The following MAP4 variants were observed in gnomAD, a reference collection of about 807,000 sequenced individuals.
The protein encoded by MAP4 is microtubule associated protein 4.
Under a neutral mutation model 170.2 loss-of-function variants are expected in MAP4, and 76 were observed. That is an observed-to-expected ratio of 0.45 (90% CI 0.37 to 0.54). The LOEUF is 0.54. Among genes scored for constraint, MAP4 ranks in the 20% least tolerant of loss-of-function variants. The pLI, the probability that MAP4 is intolerant of heterozygous loss-of-function variation, is 0.00. For synonymous variants in MAP4, 909 were observed against 994.5 expected, an observed-to-expected ratio of 0.91 and a Z score of 1.62; for missense variants, 2,506 against 2,748.0, an observed-to-expected ratio of 0.91 and a Z score of 1.97.
intron 3 of MAP4, among the ~76,000 whole-genome samples, chr3:47,966,469 G>A (rs1453032448): frequency 1.3e-5 from 2 of 151,654 alleles, no homozygotes; most frequent in Non-Finnish European, 2.9e-5. Flanking sequence ...GGATGGTCTC[G>A]ATCTCCTGAC....
At chr3:47,878,921 G>T (rs914105270) in intron 10 of MAP4, among the ~76,000 whole-genome samples, 14 of 152,194 alleles carry the variant, frequency 9.2e-5, no homozygotes, top group South Asian at 4.1e-4. Context: ...AAATATACTT[G>T]GTAGGTATGT....
At chr3:47,988,303 G>GAATGACCC (rs781300559) in intron 2 of MAP4, among the ~76,000 whole-genome samples, 1 of 151,870 alleles carries the variant, frequency 6.6e-6, no homozygotes, top group Non-Finnish European at 1.5e-5. Flanking sequence ...TGATGCTGGT[G>GAATGACCC]AATGACCCAA....
intron 1 of MAP4, 27 bp from the exon 2 acceptor site, chr3:47,998,906 T>C (rs1400296911): frequency 3.8e-6 from 5 of 1,308,824 alleles, no homozygotes; most frequent in Admixed American, 1.7e-5. Flanking sequence ...AGATCTTTCA[T>C]GTAACGAGCA....
chr3:47,942,093 C>T (rs1416449278), intron 3 of MAP4, among the ~76,000 whole-genome samples: 2 of 152,066 alleles, frequency 1.3e-5, no homozygotes, highest in Non-Finnish European at 2.9e-5. Context: ...TCCTACAGCC[C>T]CGTTCTTCCC....
chr3:47,998,033 A>G (rs991066843), intron 2 of MAP4, among the ~76,000 whole-genome samples: 4 of 152,230 alleles, frequency 2.6e-5, no homozygotes, highest in Non-Finnish European at 5.9e-5. Flanking sequence ...AATTCTATGC[A>G]AACTATTCTA....
At position 47,974,655 on chromosome 3, in the gene MAP4, C is replaced by A. The variant is rs190068313; in HGVS notation, c.292+3210G>T. 133 of 940,132 alleles carry A rather than the reference C, an allele frequency of 1.4e-4. 2 individuals carry two copies. In the Middle Eastern group the frequency reaches 2.7e-3, roughly 19 times the overall value. 58.2% of individuals were successfully genotyped at this position (940,132 alleles called of 1,614,324 possible). A position where few individuals can be genotyped will look rare whatever the true frequency, so the allele number is the denominator to read the frequency against. On this transcript the variant is annotated intron_variant, in intron 3 of 20. Coordinates refer to ENST00000683076, the MANE Select transcript of MAP4 (RefSeq NM_001385682.1). ...AATACAATCAAAGCATACCATTGTA[C>A]AGTACTAATCTCAACTGGTTCTAGA... is the stretch of plus-strand genomic sequence containing the variant.
intron 1 of MAP4, among the ~76,000 whole-genome samples, chr3:48,028,569 T>G (rs1025400225): frequency 1.3e-5 from 2 of 151,654 alleles, no homozygotes; most frequent in African/African-American, 4.8e-5. Context: ...GGTCAGGAGT[T>G]CCAGACCAGC....
intron 1 of MAP4, among the ~76,000 whole-genome samples, chr3:48,084,418 C>T (rs2100148070): frequency 6.7e-6 from 1 of 149,906 alleles, no homozygotes; most frequent in African/African-American, 2.5e-5. Context: ...AAAAGAATCA[C>T]GAAAGTAATT....
chr3:48,055,836 G>A (rs1236200674), intron 1 of MAP4, among the ~76,000 whole-genome samples: 2 of 139,730 alleles, frequency 1.4e-5, no homozygotes, highest in African/African-American at 2.6e-5. Context: ...CTGAGACGTG[G>A]GGAGCGCCTC....
At chr3:48,006,301 A>C (rs2100102285) in intron 1 of MAP4, among the ~76,000 whole-genome samples, 1 of 152,164 alleles carries the variant, frequency 6.6e-6, no homozygotes, top group Non-Finnish European at 1.5e-5. Flanking sequence ...TTCCCCAAGG[A>C]GACCTCCATC....
chr3:47,869,095 G>A, intron 16 of MAP4, 119 bp downstream of exon 16: 4 of 768,588 alleles, frequency 5.2e-6, no homozygotes, highest in Non-Finnish European at 9.0e-6. Context: ...GAATATAGGG[G>A]AGAAGAAGTA....
At chr3:48,038,231 G>A (rs540738552) in intron 1 of MAP4, among the ~76,000 whole-genome samples, 1 of 150,686 alleles carries the variant, frequency 6.6e-6, no homozygotes, top group East Asian at 2.0e-4. Context: ...TGCTCACCCA[G>A]CACCTATCCC....
At chr3:47,883,314 C>T (rs1240899296) in intron 10 of MAP4, among the ~76,000 whole-genome samples, 1 of 152,150 alleles carries the variant, frequency 6.6e-6, no homozygotes, top group East Asian at 1.9e-4. Context: ...ACCTCCACCT[C>T]CCGAGTTCAA....
intron 10 of MAP4, among the ~76,000 whole-genome samples, chr3:47,895,247 T>C (rs1311109458): frequency 1.3e-5 from 2 of 152,244 alleles, no homozygotes; most frequent in African/African-American, 4.8e-5. Flanking sequence ...TTTTAAAATC[T>C]GTGTCACTTA....
At chr3:48,088,679 G>C (rs1369255061) in intron 1 of MAP4, 1 of 152,302 alleles carries the variant, frequency 6.6e-6, no homozygotes, top group African/African-American at 2.4e-5. Flanking sequence ...CGGGCCCCGT[G>C]GGGTACCCAG....
Position 47,871,079 on chromosome 3 carries a change from A to C in MAP4, c.6028T>G (p.Ser2010Ala), listed in dbSNP as rs1447246665. Residue 2010 changes from serine (S) to alanine (A), a missense_variant, in exon 15 of 21, where the codon TCC becomes GCC. This residue lies in a region of MAP4 where 487 missense variants were observed against 511.6 expected (regional missense o/e 0.95). Transcript: ENST00000683076. ...GTGGTTTTCTTCATGGAACTGGTGGAGGTGCTCTTTGGGCGACTCAAGTCA... is the reference window on the plus strand; with the variant it reads ...GTGGTTTTCTTCATGGAACTGGTGGCGGTGCTCTTTGGGCGACTCAAGTCA... ...PADLSRPKST[S>A]TSSMKKTTTL... is the part of the protein sequence containing the mutation. 6 of 1,608,542 alleles carry C rather than the reference A, an allele frequency of 3.7e-6. No individual in the cohort carries two copies. The highest frequency in any genetic ancestry group is 5.1e-6 in the Non-Finnish European group (6 of 1,175,986).
intron 3 of MAP4, among the ~76,000 whole-genome samples, chr3:47,930,430 C>A (rs62260760): frequency 0.046 from 6,657 of 145,236 alleles, 210 homozygotes; most frequent in Non-Finnish European, 0.069. Context: ...CCGGCCTGGG[C>A]GACAGAGCGA....
At chr3:47,892,651 A>G in intron 10 of MAP4, 2 of 1,386,188 alleles carry the variant, frequency 1.4e-6, no homozygotes, top group Non-Finnish European at 1.9e-6. Context: ...TGAGTATTAA[A>G]TGCACTTACA....
chr3:48,051,278 T>C (rs773408256), intron 1 of MAP4, among the ~76,000 whole-genome samples: 17 of 151,944 alleles, frequency 1.1e-4, no homozygotes, highest in Non-Finnish European at 2.5e-4. Context: ...CTGGGTGTGG[T>C]GGTGTGCACC....
Sources: gnomAD v4.1 joint callset for allele counts (sites outside exome capture counted in the v4.1 genomes callset) on GRCh38, gnomAD v4.1.1 for gene constraint, gnomAD v4.1.1 regional missense constraint, MANE v1.5 for transcripts, NCBI Gene and HGNC (gene_info 2026-07-23, HGNC 2026-07-21) for gene names.